Variants in SLF1 observed in about 807,000 individuals in gnomAD.
The protein encoded by SLF1 is SMC5/6 complex localization factor 1, also known as SMC5-SMC6 complex localization factor protein 1.
Under a neutral mutation model 123.0 loss-of-function variants are expected in SLF1, and 105 were observed. That is an observed-to-expected ratio of 0.85 (90% CI 0.73 to 1.00). The LOEUF (loss-of-function observed/expected upper bound fraction) is 1.00, where lower values mean the gene tolerates loss of function less well. SLF1 is among the 50% of genes least tolerant of loss of function. The pLI, the probability that SLF1 is intolerant of heterozygous loss-of-function variation, is 0.00. For synonymous variants in SLF1, 434 were observed against 406.6 expected (o/e 1.07, Z -0.81); for missense variants, 1,239 against 1,223.0 (o/e 1.01, Z -0.20).
intron 8 of SLF1, among the ~76,000 whole-genome samples, chr5:94,654,022 T>A (rs978047913): frequency 6.6e-6 from 1 of 151,972 alleles, no homozygotes; most frequent in Non-Finnish European, 1.5e-5. Context: ...ATACAAAAAA[T>A]TAGCTGGCAT....
At chr5:94,624,851 T>G (rs1018933622) in intron 1 of SLF1, among the ~76,000 whole-genome samples, 2 of 151,842 alleles carry the variant, frequency 1.3e-5, no homozygotes, top group Non-Finnish European at 2.9e-5. Flanking sequence ...TAAAATACAT[T>G]AAAAATATAC....
At chr5:94,642,766 CTAATTT>C (rs1415723317) in intron 4 of SLF1, among the ~76,000 whole-genome samples, 1 of 151,806 alleles carries the variant, frequency 6.6e-6, no homozygotes, top group Non-Finnish European at 1.5e-5. Flanking sequence ...TTGTTTTTTT[CTAATTT>C]TATTTTTTTA....
chr5:94,659,888 G>A (rs919542849), intron 9 of SLF1, among the ~76,000 whole-genome samples: 26 of 152,160 alleles, frequency 1.7e-4, no homozygotes, highest in Admixed American at 4.6e-4. Flanking sequence ...CATGGCATTC[G>A]TGATGGCAGT....
intron 9 of SLF1, among the ~76,000 whole-genome samples, chr5:94,658,295 G>A (rs973279052): frequency 9.9e-5 from 15 of 151,440 alleles, no homozygotes; most frequent in Admixed American, 3.3e-4. Context: ...TAGGACTTGC[G>A]TAAACATTTT....
intron 6 of SLF1, among the ~76,000 whole-genome samples, chr5:94,650,265 A>G (rs995197077): frequency 2.0e-5 from 3 of 152,220 alleles, no homozygotes; most frequent in Admixed American, 6.5e-5. Context: ...GTCTAAACTA[A>G]AAGTTTTATG....
In SLF1 at chr5:94,665,904, C is replaced by A; in HGVS notation, c.1412C>A (p.Ser471Ter). The change falls in exon 12 of 21, where the codon TCA becomes TAA. Residue 471 changes from serine (S) to a stop codon, truncating the protein, a stop_gained. Coordinates refer to ENST00000265140, the MANE Select transcript of SLF1 (RefSeq NM_032290.4). LOFTEE classifies it high-confidence loss of function. ...TFSGRYFHILSALLHLHPPWK... is the reference protein window; with the variant it reads ...TFSGRYFHIL ...TCTGGTCGATACTTTCATATATTGT[C>A]AGCTCTTCTTCACCTGCATCCTCCT... is the stretch of plus-strand genomic sequence containing the variant. 1 of 1,549,820 alleles carries A rather than the reference C, an allele frequency of 6.5e-7. No homozygotes were observed. The highest frequency in any genetic ancestry group is 8.7e-7 in the Non-Finnish European group (1 of 1,145,250).
At chr5:94,664,515 A>G (rs1749523366) in intron 11 of SLF1, among the ~76,000 whole-genome samples, 2 of 152,214 alleles carry the variant, frequency 1.3e-5, no homozygotes, top group African/African-American at 4.8e-5. Flanking sequence ...TGCTGGGAAC[A>G]TACCCAAACT....
intron 14 of SLF1, among the ~76,000 whole-genome samples, chr5:94,677,450 C>G (rs570208417): frequency 6.6e-6 from 1 of 151,904 alleles, no homozygotes; most frequent in African/African-American, 2.4e-5. Context: ...GTTCTTAGAT[C>G]CTTTTATACT....
rs949223663 is a variant in SLF1, at chr5:94,629,005, C to G, written c.114+81C>G. 9.4e-6 allele frequency: 13 copies of G among 1,387,744 alleles called. No individual in the cohort carries two copies. In the African/African-American group the frequency reaches 1.9e-4, roughly 20 times the overall value. The allele number at this position is 1,387,744 out of a possible 1,614,324, so 86.0% of individuals were successfully genotyped here. A position where few individuals can be genotyped will look rare whatever the true frequency, so the allele number is the denominator to read the frequency against. On this transcript the variant is annotated intron_variant, in intron 2 of 20. Transcript: ENST00000265140. ...TACTGGCCTAAGAATGATAAAATGC[C>G]TTCTTGATATTGTAGCAATAAAAAG...
chr5:94,652,867 T>C (rs1232373945), intron 7 of SLF1, among the ~76,000 whole-genome samples: 1 of 152,210 alleles, frequency 6.6e-6, no homozygotes, highest in Non-Finnish European at 1.5e-5. Flanking sequence ...TTTTTATTTC[T>C]ATTTTTTGAG....
intron 17 of SLF1, 115 bp downstream of exon 17, chr5:94,688,784 C>CT: frequency 2.6e-6 from 3 of 1,140,054 alleles, no homozygotes; most frequent in African/African-American, 1.6e-5. Flanking sequence ...CTGATTAGAT[C>CT]AAAACTCAAT....
chr5:94,691,659 A>G lies in SLF1; in HGVS notation c.2512+3A>G. On this transcript the variant is annotated splice_donor_region_variant and intron_variant, in intron 19 of 20. Transcript: ENST00000265140. ...AGGAATAGACATCAATGTTAAAGGT[A>G]AGTTTTAAATCTTTGTGGTCTAGTC... 6.2e-7 allele frequency: 1 copy of G among 1,600,838 alleles called. No individual in the cohort carries two copies. The highest frequency in any genetic ancestry group is 8.5e-7 in the Non-Finnish European group (1 of 1,173,430).
At chr5:94,631,296 A>G (rs1210551458) in intron 4 of SLF1, among the ~76,000 whole-genome samples, 1 of 152,072 alleles carries the variant, frequency 6.6e-6, no homozygotes, top group African/African-American at 2.4e-5. Context: ...CACACAAATT[A>G]AGGGTATATT....
intron 9 of SLF1, among the ~76,000 whole-genome samples, chr5:94,655,038 TG>T (rs1346675256): frequency 2.0e-5 from 3 of 152,216 alleles, no homozygotes; most frequent in African/African-American, 4.8e-5. Flanking sequence ...GTGTTTCCCC[TG>T]TGTTTTCTTC....
chr5:94,652,014 CT>C (rs11321582), intron 7 of SLF1, among the ~76,000 whole-genome samples, 169 bp downstream of exon 7: 45,407 of 130,622 alleles, frequency 0.35, 7,096 homozygotes, highest in African/African-American at 0.42. Context: ...TTTCTTTTTT[CT>C]TTTTTTTTTT....
chr5:94,655,769 A>C (rs145213728), intron 9 of SLF1, among the ~76,000 whole-genome samples: 86 of 152,164 alleles, frequency 5.7e-4, no homozygotes, highest in African/African-American at 2.0e-3. Context: ...GGCATATAGA[A>C]ATGCTACTGA....
At chr5:94,660,495 A>C (rs1748965511) in intron 9 of SLF1, among the ~76,000 whole-genome samples, 1 of 152,260 alleles carries the variant, frequency 6.6e-6, no homozygotes, top group East Asian at 1.9e-4. Flanking sequence ...TAGTCGGAGT[A>C]GGGTAGGCCT....
chr5:94,642,774 A>T (rs1746590976), intron 4 of SLF1, among the ~76,000 whole-genome samples: 1 of 151,334 alleles, frequency 6.6e-6, no homozygotes, highest in Admixed American at 6.6e-5. Context: ...TTCTAATTTT[A>T]TTTTTTTATT....
intron 20 of SLF1, 126 bp from the exon 21 acceptor site, chr5:94,694,705 C>G: frequency 8.2e-7 from 1 of 1,226,354 alleles, no homozygotes; most frequent in Non-Finnish European, 1.1e-6. Context: ...ATTGTGTCGA[C>G]ATGAATTAAT....
Sources: allele counts gnomAD v4.1 joint callset (sites outside exome capture counted in the v4.1 genomes callset), GRCh38; gene constraint gnomAD v4.1.1; transcripts MANE v1.5; gene names NCBI Gene and HGNC (gene_info 2026-07-23, HGNC 2026-07-21).